Variants in TPD52L1 observed in about 807,000 individuals in gnomAD.
TPD52L1 encodes tumor protein D53.
In TPD52L1, 18 loss-of-function variants were observed where a neutral mutation model predicts 28.7. That is an observed-to-expected ratio of 0.63 (90% CI 0.43 to 0.93). The LOEUF is 0.93. Ranked by LOEUF, TPD52L1 falls within the 40% of genes least tolerant of loss-of-function variation. The pLI is 0.00. For synonymous variants in TPD52L1, 75 were observed against 88.8 expected, an observed-to-expected ratio of 0.84 and a Z score of 0.88; for missense variants, 203 against 254.8, an observed-to-expected ratio of 0.80 and a Z score of 1.39.
chr6:125,214,061 A>G (rs556654150), intron 1 of TPD52L1, among the ~76,000 whole-genome samples: 1 of 152,260 alleles, frequency 6.6e-6, no homozygotes, highest in Admixed American at 6.5e-5. Flanking sequence ...GAGCTACCTA[A>G]TGGGAGCTTT....
intron 1 of TPD52L1, among the ~76,000 whole-genome samples, chr6:125,197,984 C>T (rs1793554482): frequency 6.6e-6 from 1 of 152,148 alleles, no homozygotes; most frequent in Admixed American, 6.5e-5. Flanking sequence ...TCCTTGGCTC[C>T]AGTTAAATAA....
At chr6:125,184,011 A>G (rs1792410319) in intron 1 of TPD52L1, among the ~76,000 whole-genome samples, 1 of 152,194 alleles carries the variant, frequency 6.6e-6, no homozygotes, top group Non-Finnish European at 1.5e-5. Context: ...ATCAGGGTCC[A>G]GTTGCAGAGG....
chr6:125,224,544 C>A (rs1795473869), intron 2 of TPD52L1, among the ~76,000 whole-genome samples: 1 of 151,872 alleles, frequency 6.6e-6, no homozygotes. Context: ...AGCTAGTGAA[C>A]AGCTAATGTC....
intron 1 of TPD52L1, among the ~76,000 whole-genome samples, chr6:125,178,763 T>C (rs1257476727): frequency 2.6e-5 from 4 of 152,156 alleles, no homozygotes. Context: ...TGATGCTACC[T>C]TTTTCTAGGA....
Position 125,154,280 on chromosome 6 carries a change from C to G in TPD52L1, c.19+310C>G, listed in dbSNP as rs544634232. ...TGGCCTTCCCAACCTCGCGGCTGCC[C>G]GAAGGACCTGTTGTGCCGGGTCCGG... On this transcript the variant is annotated intron_variant, in intron 1 of 6. Transcript: ENST00000534000. 3.8e-5 allele frequency: 46 copies of G among 1,197,408 alleles called. No homozygotes were observed. The African/African-American group carries it at 6.6e-4, about 17-fold the overall frequency. 74.2% of individuals were successfully genotyped at this position (1,197,408 alleles called of 1,614,324 possible). A position where few individuals can be genotyped will look rare whatever the true frequency, so the allele number is the denominator to read the frequency against.
Position 125,264,207 on chromosome 6 carries a change from G to A in TPD52L1, c.*1245G>A, listed in dbSNP as rs2115089520. 1 of 151,972 alleles carries A rather than the reference G, an allele frequency of 6.6e-6. No homozygotes were observed. Among genetic ancestry groups the A allele is most frequent in the South Asian group, 2.1e-4 (1 of 4,802 alleles). The allele number at this position is 151,972 out of a possible 1,614,324, so 9.4% of individuals were successfully genotyped here. Reference sequence around the variant, plus strand: ...AATGGGAACATATATTTGTTATTAGGTGGCAGAGATATAGCCTTAAGATAT... The same window carrying A: ...AATGGGAACATATATTTGTTATTAGATGGCAGAGATATAGCCTTAAGATAT... On this transcript the variant is annotated 3_prime_UTR_variant, in exon 7 of 7. Coordinates refer to ENST00000534000, the MANE Select transcript of TPD52L1 (RefSeq NM_003287.4).
intron 3 of TPD52L1, among the ~76,000 whole-genome samples, chr6:125,240,995 G>T (rs1325476402): frequency 6.6e-6 from 1 of 152,046 alleles, no homozygotes; most frequent in Non-Finnish European, 1.5e-5. Context: ...CTTGAAATAT[G>T]TCCCTTCTAT....
intron 3 of TPD52L1, among the ~76,000 whole-genome samples, chr6:125,229,715 A>T (rs1490396558): frequency 6.6e-6 from 1 of 152,116 alleles, no homozygotes. Flanking sequence ...TACAAAGAAA[A>T]CCTTGTACTT....
chr6:125,197,440 G>A (rs1266573253), intron 1 of TPD52L1, among the ~76,000 whole-genome samples: 1 of 152,052 alleles, frequency 6.6e-6, no homozygotes, highest in Non-Finnish European at 1.5e-5. Flanking sequence ...TTATTTTTCG[G>A]CAACTCATTT....
Position 125,193,480 on chromosome 6 carries a change from T to C in TPD52L1, c.20-26598T>C, listed in dbSNP as rs186922026. Among the ~76,000 whole-genome samples the C allele has an allele frequency of 2.0e-4, 31 of 152,180 alleles. No homozygotes were observed. In the East Asian group the frequency reaches 4.8e-3, roughly 24 times the overall value. ...TGAGAACCAGTAGACTCAAGAATGG[T>C]TGCAAAAGTCCCAAGCAGCTTTTCT... On this transcript the variant is annotated intron_variant, in intron 1 of 6. Transcript: ENST00000534000.
chr6:125,200,029 G>T (rs1157485140), intron 1 of TPD52L1, among the ~76,000 whole-genome samples: 2 of 152,102 alleles, frequency 1.3e-5, no homozygotes, highest in Non-Finnish European at 2.9e-5. Flanking sequence ...CTTCTGAAAA[G>T]CCACCTTTTA....
intron 1 of TPD52L1, among the ~76,000 whole-genome samples, chr6:125,158,472 A>G (rs889936337): frequency 6.6e-4 from 101 of 152,326 alleles, no homozygotes; most frequent in African/African-American, 2.2e-3. Flanking sequence ...GAACATTTAT[A>G]TAATTTTATC....
chr6:125,239,185 T>C (rs902775620), intron 3 of TPD52L1, among the ~76,000 whole-genome samples: 1 of 152,216 alleles, frequency 6.6e-6, no homozygotes, highest in Non-Finnish European at 1.5e-5. Flanking sequence ...AGTAAGGTGG[T>C]ATTTCATTGT....
At chr6:125,166,642 T>G (rs1790923877) in intron 1 of TPD52L1, among the ~76,000 whole-genome samples, 3 of 152,042 alleles carry the variant, frequency 2.0e-5, no homozygotes, top group South Asian at 4.1e-4. Context: ...TATTTTAAAT[T>G]TTGCTTGCAC....
chr6:125,250,690 A>G (rs1797212435), intron 4 of TPD52L1, among the ~76,000 whole-genome samples: 1 of 152,224 alleles, frequency 6.6e-6, no homozygotes, highest in Non-Finnish European at 1.5e-5. Flanking sequence ...GTTGGCATTC[A>G]TATTCAAACA....
intron 1 of TPD52L1, among the ~76,000 whole-genome samples, chr6:125,188,118 T>C (rs138432863): frequency 6.6e-6 from 1 of 152,308 alleles, no homozygotes; most frequent in African/African-American, 2.4e-5. Flanking sequence ...ATATATTAAT[T>C]AGTACATTCC....
At chr6:125,251,066 G>T (rs182067379) in intron 4 of TPD52L1, among the ~76,000 whole-genome samples, 109 of 152,042 alleles carry the variant, frequency 7.2e-4, no homozygotes, top group African/African-American at 2.6e-3. Flanking sequence ...TTTAAATTAT[G>T]CCCAAACAAG....
At chr6:125,252,781 G>A (rs371921878) in intron 4 of TPD52L1, 23 of 152,270 alleles carry the variant, frequency 1.5e-4, no homozygotes, top group South Asian at 1.0e-3. Context: ...GGGTAAGACC[G>A]TAAGTATCCC....
chr6:125,173,806 T>A (rs1418708061), intron 1 of TPD52L1, among the ~76,000 whole-genome samples: 5 of 152,218 alleles, frequency 3.3e-5, no homozygotes, highest in African/African-American at 1.2e-4. Context: ...TAGATGCTGA[T>A]ACTTCTCGTT....
Sources: gnomAD v4.1 joint callset for allele counts (sites outside exome capture counted in the v4.1 genomes callset) on GRCh38, gnomAD v4.1.1 for gene constraint, MANE v1.5 for transcripts, NCBI Gene and HGNC (gene_info 2026-07-23, HGNC 2026-07-21) for gene names.